Variants in CALN1 observed in about 807,000 individuals in gnomAD.
CALN1 encodes the protein calcium-binding protein 8.
In CALN1, 17 loss-of-function variants were observed where a neutral mutation model predicts 30.6. The ratio of observed to expected loss-of-function variants is 0.56; its 90% CI spans 0.38 to 0.83. The LOEUF is 0.83. Ranked by LOEUF, CALN1 falls within the 40% of genes least tolerant of loss-of-function variation. The pLI is 0.00. For missense variants in CALN1, 291 were observed against 354.9 expected (o/e 0.82, Z 1.45); for synonymous variants, 156 against 131.4 (o/e 1.19, Z -1.28).
intron 5 of CALN1, among the ~76,000 whole-genome samples, chr7:72,005,187 C>A (rs1394287289): frequency 1.3e-5 from 2 of 152,174 alleles, no homozygotes; most frequent in East Asian, 3.9e-4. Context: ...AGCCTGCATA[C>A]AAATGGTCGC....
intron 5 of CALN1, among the ~76,000 whole-genome samples, chr7:71,812,314 G>A (rs1398294997): frequency 6.6e-6 from 1 of 152,168 alleles, no homozygotes; most frequent in Non-Finnish European, 1.5e-5. Flanking sequence ...ATAAAACTAA[G>A]AGGCTACCAT....
chr7:72,460,998 T>C, the CALN1 span, among the ~76,000 whole-genome samples: 1 of 152,144 alleles, frequency 6.6e-6, no homozygotes, highest in Non-Finnish European at 1.5e-5. Flanking sequence ...CCATCCCTGA[T>C]TCACTTCTCT....
chr7:71,867,778 T>C (rs1791677814), intron 5 of CALN1, among the ~76,000 whole-genome samples: 1 of 152,176 alleles, frequency 6.6e-6, no homozygotes, highest in South Asian at 2.1e-4. Flanking sequence ...TGTTTGGTTT[T>C]CTTTTTAACC....
chr7:72,254,099 C>T (rs1343355790), intron 3 of CALN1, among the ~76,000 whole-genome samples: 5 of 152,088 alleles, frequency 3.3e-5, no homozygotes, highest in African/African-American at 1.2e-4. Flanking sequence ...TTCTTGGTGG[C>T]TCTGACTATT....
At chr7:72,011,556 A>G (rs1035493977) in intron 5 of CALN1, among the ~76,000 whole-genome samples, 1 of 152,238 alleles carries the variant, frequency 6.6e-6, no homozygotes, top group East Asian at 1.9e-4. Context: ...GACTGACCCC[A>G]AGAGGTCCCC....
chr7:72,140,581 C>A (rs1331827820), intron 3 of CALN1, among the ~76,000 whole-genome samples: 1 of 152,244 alleles, frequency 6.6e-6, no homozygotes, highest in Non-Finnish European at 1.5e-5. Context: ...AGGGATTACA[C>A]CCCAACCTTG....
chr7:72,461,999 C>A, the CALN1 span, among the ~76,000 whole-genome samples: 1 of 150,258 alleles, frequency 6.7e-6, no homozygotes, highest in Non-Finnish European at 1.5e-5. Flanking sequence ...CAGAGACAGA[C>A]TTCGTCTCAA....
intron 5 of CALN1, among the ~76,000 whole-genome samples, chr7:71,846,887 A>T (rs1584357451): frequency 6.8e-6 from 1 of 146,940 alleles, no homozygotes; most frequent in Non-Finnish European, 1.5e-5. Flanking sequence ...ATATACACAC[A>T]TATATGTATA....
chr7:72,271,575 A>AAAAAATATATATAT lies in CALN1; in HGVS notation c.244+7110_244+7111insATATATATATTTTT. ...CTGTGCCTGCCTTTTAAAAAAAAAAAATATATATATATATATATAGTTTTC... is the reference window on the plus strand; with the variant it reads ...CTGTGCCTGCCTTTTAAAAAAAAAAAAAAAATATATATATATATATATATATATATATAGTTTTC... On this transcript the variant is annotated intron_variant, in intron 3 of 6. Coordinates refer to ENST00000395275, the MANE Select transcript of CALN1 (RefSeq NM_031468.4). Among the ~76,000 whole-genome samples the AAAAAATATATATAT allele has an allele frequency of 7.2e-3, 374 of 52,096 alleles. 26 individuals are homozygous for AAAAAATATATATAT. Among genetic ancestry groups the AAAAAATATATATAT allele is most frequent in the African/African-American group, 0.04 (300 of 7,438 alleles). The allele number at this position is 52,096 out of a possible 152,430, so 34.2% of individuals were successfully genotyped here.
chr7:72,028,380 G>A (rs1801228606), intron 4 of CALN1, among the ~76,000 whole-genome samples: 1 of 152,194 alleles, frequency 6.6e-6, no homozygotes, highest in African/African-American at 2.4e-5. Flanking sequence ...GTACCAGGCA[G>A]TGCTCACAGA....
chr7:72,232,828 C>T (rs1295856488), intron 3 of CALN1, among the ~76,000 whole-genome samples: 1 of 152,052 alleles, frequency 6.6e-6, no homozygotes, highest in African/African-American at 2.4e-5. Context: ...TTTTTTAATA[C>T]AACATAAAAA....
chr7:72,129,443 G>C (rs1808989306), intron 3 of CALN1, among the ~76,000 whole-genome samples: 1 of 152,132 alleles, frequency 6.6e-6, no homozygotes, highest in Non-Finnish European at 1.5e-5. Flanking sequence ...TGTGCGGTGT[G>C]TGTGTGCGTT....
At chr7:72,372,436 G>C (rs1585604394) in intron 2 of CALN1, among the ~76,000 whole-genome samples, 1 of 152,158 alleles carries the variant, frequency 6.6e-6, no homozygotes, top group South Asian at 2.1e-4. Context: ...TCTAGCTGGA[G>C]AGCCAACAAA....
chr7:71,999,247 T>C (rs1019592879), intron 5 of CALN1, among the ~76,000 whole-genome samples: 2 of 152,190 alleles, frequency 1.3e-5, no homozygotes, highest in African/African-American at 2.4e-5. Flanking sequence ...AGGGACATTA[T>C]ATAATAGTCA....
At chr7:72,013,109 T>C (rs562218972) in intron 5 of CALN1, among the ~76,000 whole-genome samples, 6 of 152,230 alleles carry the variant, frequency 3.9e-5, no homozygotes, top group African/African-American at 1.4e-4. Flanking sequence ...GCTTTTATAC[T>C]CTCATATCAA....
At chr7:72,050,779 T>C (rs112467481) in intron 4 of CALN1, among the ~76,000 whole-genome samples, 39 of 152,210 alleles carry the variant, frequency 2.6e-4, no homozygotes, top group African/African-American at 9.1e-4. Flanking sequence ...GGTGGGAAGT[T>C]CATTTGAGGT....
At chr7:72,281,100 T>C (rs890668252) in intron 2 of CALN1, among the ~76,000 whole-genome samples, 4 of 151,688 alleles carry the variant, frequency 2.6e-5, no homozygotes, top group African/African-American at 9.7e-5. Flanking sequence ...GCTGAAACCA[T>C]GCCATTGCTC....
At chr7:72,054,548 T>TATACATACAC in intron 4 of CALN1, among the ~76,000 whole-genome samples, 1 of 134,228 alleles carries the variant, frequency 7.5e-6, no homozygotes, top group East Asian at 2.1e-4. Context: ...TATATACATA[T>TATACATACAC]ATATATATAT....
At chr7:71,973,139 G>T (rs1797931007) in intron 5 of CALN1, among the ~76,000 whole-genome samples, 1 of 151,894 alleles carries the variant, frequency 6.6e-6, no homozygotes, top group Non-Finnish European at 1.5e-5. Flanking sequence ...CTACTTAACA[G>T]GCACATTCCC....
Sources: allele counts gnomAD v4.1 joint callset (sites outside exome capture counted in the v4.1 genomes callset), GRCh38; gene constraint gnomAD v4.1.1; transcripts MANE v1.5; gene names NCBI Gene and HGNC (gene_info 2026-07-23, HGNC 2026-07-21).